The following CORIN variants were observed in gnomAD, a reference collection of about 807,000 sequenced individuals.
CORIN encodes the protein atrial natriuretic peptide-converting enzyme.
A neutral mutation model predicts 125.3 loss-of-function variants in CORIN; 117 were observed. The observed-to-expected ratio is 0.93, with a 90% CI of 0.80 to 1.09. The LOEUF (loss-of-function observed/expected upper bound fraction) is 1.09. Among genes scored for constraint, CORIN ranks in the 50% least tolerant of loss-of-function variants. The pLI is 0.00. For synonymous variants in CORIN, 450 were observed against 466.4 expected, an observed-to-expected ratio of 0.96 and a Z score of 0.45; for missense variants, 1,253 against 1,306.7, an observed-to-expected ratio of 0.96 and a Z score of 0.63.
intron 19 of CORIN, among the ~76,000 whole-genome samples, chr4:47,620,018 A>AT (rs1287121168): frequency 6.6e-6 from 1 of 152,268 alleles, no homozygotes; most frequent in Non-Finnish European, 1.5e-5. Context: ...TGCTAGTTAG[A>AT]TTTTTTTAAT....
chr4:47,642,053 G>A lies in CORIN; in HGVS notation c.2069-4C>T, dbSNP rs1220653201. On this transcript the variant is annotated splice_polypyrimidine_tract_variant and splice_region_variant and intron_variant, in intron 15 of 21. Coordinates refer to ENST00000273857, the MANE Select transcript of CORIN (RefSeq NM_006587.4). The stretch of plus-strand genomic sequence containing the variant: ...TTCACATTTATAGAGAGGGTCACTA[G>A]GGAAAGAAAAGACAAGGGAAACCCT... The A allele has an allele frequency of 1.2e-6, 2 of 1,611,776 alleles. No homozygotes were observed. Among genetic ancestry groups the A allele is most frequent in the Non-Finnish European group, 1.7e-6 (2 of 1,178,950 alleles).
At chr4:47,701,061 T>C (rs1726271957) in intron 5 of CORIN, among the ~76,000 whole-genome samples, 2 of 152,336 alleles carry the variant, frequency 1.3e-5, no homozygotes, top group African/African-American at 4.8e-5. Context: ...AAGTAGCATA[T>C]GATAGGTGGT....
chr4:47,696,503 C>T (rs1475801134), intron 5 of CORIN, among the ~76,000 whole-genome samples: 2 of 152,134 alleles, frequency 1.3e-5, no homozygotes, highest in Non-Finnish European at 2.9e-5. Context: ...TTCTATTGAT[C>T]ATCATCTGAT....
At chr4:47,789,977 G>A (rs892291409) in intron 2 of CORIN, among the ~76,000 whole-genome samples, 5 of 152,080 alleles carry the variant, frequency 3.3e-5, no homozygotes, top group South Asian at 2.1e-4. Context: ...AGCTGAGATC[G>A]CGCCACTGCA....
At chr4:47,830,655 C>T (rs1732943647) in intron 1 of CORIN, among the ~76,000 whole-genome samples, 1 of 152,192 alleles carries the variant, frequency 6.6e-6, no homozygotes, top group African/African-American at 2.4e-5. Flanking sequence ...AATTCTCATA[C>T]ATTAAAGCTA....
intron 1 of CORIN, among the ~76,000 whole-genome samples, chr4:47,828,354 A>G (rs979300986): frequency 2.0e-5 from 3 of 152,218 alleles, no homozygotes; most frequent in African/African-American, 7.2e-5. Context: ...AGAAGCCTAG[A>G]GTTTTCAGCC....
At chr4:47,679,097 C>T (rs183611582) in intron 8 of CORIN, among the ~76,000 whole-genome samples, 1 of 152,284 alleles carries the variant, frequency 6.6e-6, no homozygotes, top group Admixed American at 6.5e-5. Flanking sequence ...TTACTAGACA[C>T]AAAAAGATGA....
chr4:47,827,681 T>A (rs1219374410), intron 1 of CORIN, among the ~76,000 whole-genome samples: 1 of 152,242 alleles, frequency 6.6e-6, no homozygotes, highest in African/African-American at 2.4e-5. Flanking sequence ...CTTTTGCTAT[T>A]CTGAGCACAT....
intron 6 of CORIN, among the ~76,000 whole-genome samples, chr4:47,687,050 C>T (rs781020642): frequency 1.5e-4 from 23 of 152,258 alleles, no homozygotes; most frequent in Admixed American, 7.8e-4. Context: ...GGAGAGGATT[C>T]AGGCATTTTT....
At chr4:47,727,572 G>C (rs1346103355) in intron 5 of CORIN, among the ~76,000 whole-genome samples, 1 of 152,000 alleles carries the variant, frequency 6.6e-6, no homozygotes, top group African/African-American at 2.4e-5. Context: ...GCACAGTTTT[G>C]TTCTAGAGAT....
At chr4:47,805,154 T>A (rs200132275) in intron 2 of CORIN, among the ~76,000 whole-genome samples, 136 of 142,436 alleles carry the variant, frequency 9.5e-4, no homozygotes, top group Middle Eastern at 7.1e-3. Flanking sequence ...AAAAAAATAA[T>A]AATAATAATA....
chr4:47,762,589 C>G (rs1412315844), intron 4 of CORIN, among the ~76,000 whole-genome samples: 10 of 152,170 alleles, frequency 6.6e-5, no homozygotes. Flanking sequence ...TCTTGCCCTG[C>G]TCTGCCTCCC....
intron 4 of CORIN, among the ~76,000 whole-genome samples, chr4:47,753,139 G>A (rs1352255849): frequency 6.6e-6 from 1 of 152,090 alleles, no homozygotes; most frequent in Non-Finnish European, 1.5e-5. Context: ...TCACATATTG[G>A]TAGATCCGTG....
intron 19 of CORIN, among the ~76,000 whole-genome samples, chr4:47,614,793 T>A (rs912248577): frequency 2.1e-4 from 32 of 152,086 alleles, no homozygotes; most frequent in African/African-American, 5.8e-4. Context: ...GGCTGCTGTA[T>A]GCCATGCTGA....
intron 5 of CORIN, among the ~76,000 whole-genome samples, chr4:47,701,503 T>C (rs776738532): frequency 6.6e-6 from 1 of 152,126 alleles, no homozygotes; most frequent in Non-Finnish European, 1.5e-5. Flanking sequence ...AAATTAGTCA[T>C]CATAACATTT....
chr4:47,636,957 G>A (rs1220685353), intron 16 of CORIN, among the ~76,000 whole-genome samples: 1 of 152,194 alleles, frequency 6.6e-6, no homozygotes, highest in African/African-American at 2.4e-5. Flanking sequence ...GGAAAATGTA[G>A]GAAAGTTTGG....
At chr4:47,650,310 T>C (rs1723682738) in intron 13 of CORIN, among the ~76,000 whole-genome samples, 1 of 152,226 alleles carries the variant, frequency 6.6e-6, no homozygotes, top group Non-Finnish European at 1.5e-5. Context: ...TTACTTAGAA[T>C]AGTGATCAAT....
chr4:47,709,303 A>G (rs1224652248), intron 5 of CORIN, among the ~76,000 whole-genome samples: 1 of 151,722 alleles, frequency 6.6e-6, no homozygotes, highest in Non-Finnish European at 1.5e-5. Flanking sequence ...TTATTTATTT[A>G]TTTATTTAGA....
intron 5 of CORIN, among the ~76,000 whole-genome samples, chr4:47,704,676 T>C (rs1726466274): frequency 6.6e-6 from 1 of 152,146 alleles, no homozygotes; most frequent in African/African-American, 2.4e-5. Flanking sequence ...TGAACTCTCA[T>C]TGCTGCAATT....
Sources: allele counts gnomAD v4.1 joint callset (sites outside exome capture counted in the v4.1 genomes callset), GRCh38; gene constraint gnomAD v4.1.1; transcripts MANE v1.5; gene names NCBI Gene and HGNC (gene_info 2026-07-23, HGNC 2026-07-21).